The following ZNF558 variants were observed in gnomAD, a reference collection of about 807,000 sequenced individuals.
ZNF558 encodes zinc finger protein 558.
In ZNF558, 23 loss-of-function variants were observed where a neutral mutation model predicts 37.6. The ratio of observed to expected loss-of-function variants is 0.61; its 90% CI spans 0.44 to 0.87. The LOEUF (loss-of-function observed/expected upper bound fraction) is 0.87. ZNF558 is among the 40% of genes least tolerant of loss of function. The pLI, the probability that ZNF558 is intolerant of heterozygous loss-of-function variation, is 0.00. For synonymous variants in ZNF558, 189 were observed against 174.4 expected (o/e 1.08, Z -0.66); for missense variants, 429 against 483.7 (o/e 0.89, Z 1.06).
intron 4 of ZNF558, among the ~76,000 whole-genome samples, chr19:8,823,596 C>A (rs576483809): frequency 7.1e-6 from 1 of 140,998 alleles, no homozygotes; most frequent in Non-Finnish European, 1.6e-5. Context: ...TCAGTCACCC[C>A]CCTCCTGCCT....
intron 6 of ZNF558, chr19:8,821,716 A>T (rs781417176): frequency 2.3e-6 from 3 of 1,300,156 alleles, no homozygotes; most frequent in Non-Finnish European, 2.9e-6. Context: ...CGTGGCGTTT[A>T]TTAATTGCTT....
intron 2 of ZNF558, among the ~76,000 whole-genome samples, chr19:8,829,865 CAATTT>C (rs1196469514): frequency 6.6e-6 from 1 of 152,138 alleles, no homozygotes; most frequent in African/African-American, 2.4e-5. Flanking sequence ...AGAAACCCCA[CAATTT>C]AATACTAGAT....
intron 6 of ZNF558, 94 bp from the exon 7 acceptor site, chr19:8,821,400 A>G: frequency 6.2e-7 from 1 of 1,611,888 alleles, no homozygotes; most frequent in East Asian, 2.2e-5. Context: ...GGGCTGGGGA[A>G]ACCTGAGCAC....
In ZNF558 at chr19:8,822,098, G is replaced by A. The variant is rs1371949764; in HGVS notation, c.32-7C>T. The A allele has an allele frequency of 3.7e-6, 6 of 1,613,948 alleles. No homozygotes were observed. Among genetic ancestry groups the A allele is most frequent in the Admixed American group, 1.7e-5 (1 of 60,012 alleles). The stretch of plus-strand genomic sequence containing the variant: ...GGGAACAGGGAAGACGGAGCTGGAG[G>A]AGGAGAAATGAGTCCCATGGATTCA... On this transcript the variant is annotated splice_polypyrimidine_tract_variant and splice_region_variant and intron_variant, in intron 5 of 9. Transcript: ENST00000601372. The surrounding 1 kb of genome is among the most constrained non-coding windows in gnomAD (Gnocchi z 4.4).
chr19:8,811,195 A>G lies in ZNF558; in HGVS notation c.*86T>C, dbSNP rs966293263. ...ATCATTTGTTATGCTGCAACAAATA[A>G]CTTATATATCCAGTGTGAGCTCTCT... On this transcript the variant is annotated 3_prime_UTR_variant, in exon 10 of 10. Transcript: ENST00000601372. 5 of 1,381,356 alleles carry G rather than the reference A, an allele frequency of 3.6e-6. No individual in the cohort carries two copies. The African/African-American group carries it at 5.8e-5, about 16-fold the overall frequency. 85.6% of individuals were successfully genotyped at this position (1,381,356 alleles called of 1,614,324 possible). A position where few individuals can be genotyped will look rare whatever the true frequency, so the allele number is the denominator to read the frequency against.
Position 8,811,383 on chromosome 19 carries a change from A to C in ZNF558, c.1107T>G (p.Thr369=). The C allele has an allele frequency of 6.2e-7, 1 of 1,613,914 alleles. No individual in the cohort carries two copies. The highest frequency in any genetic ancestry group is 2.2e-5 in the East Asian group (1 of 44,862). Residue 369 remains threonine (T), a synonymous_variant, in exon 10 of 10, where the codon ACT becomes ACG. Coordinates refer to ENST00000601372, the MANE Select transcript of ZNF558 (RefSeq NM_144693.3). ...ATTCATAGGGTTTTTCTCCAGTGTGAGTTCTTAAGTGTTTCTTCACAGCTG... is the reference window on the plus strand; with the variant it reads ...ATTCATAGGGTTTTTCTCCAGTGTGCGTTCTTAAGTGTTTCTTCACAGCTG... ...NLSAVKKHLR[T]HTGEKPYECN... is the part of the protein sequence containing the mutation.
At chr19:8,837,991 G>A in the ZNF558 span, among the ~76,000 whole-genome samples, 1 of 152,112 alleles carries the variant, frequency 6.6e-6, no homozygotes, top group East Asian at 1.9e-4. Context: ...GCTCACGCCT[G>A]TAATCCCAGC....
At chr19:8,837,045 G>A (rs1157762658), upstream of ZNF558, among the ~76,000 whole-genome samples, 1 of 152,178 alleles carries the variant, frequency 6.6e-6, no homozygotes, top group Non-Finnish European at 1.5e-5. Context: ...TTAAAATAAT[G>A]GCATTATGTT....
At chr19:8,829,960 T>A (rs949424148) in intron 2 of ZNF558, among the ~76,000 whole-genome samples, 10 of 152,140 alleles carry the variant, frequency 6.6e-5, no homozygotes, top group African/African-American at 2.4e-4. Context: ...TAATTCCTAT[T>A]AGGAGGTGAT....
chr19:8,812,982 A>T, intron 8 of ZNF558, 145 bp downstream of exon 8: 1 of 653,090 alleles, frequency 1.5e-6, no homozygotes, highest in Non-Finnish European at 2.7e-6. Context: ...GAGGAAGCTC[A>T]CACCAAATGT....
chr19:8,831,230 C>T (rs2044345823), intron 2 of ZNF558, 88 bp downstream of exon 2: 1 of 152,160 alleles, frequency 6.6e-6, no homozygotes, highest in South Asian at 2.1e-4. Context: ...AATGTGGTTA[C>T]AACCCCAGCA....
At chr19:8,821,134 T>C (rs999353044) in intron 7 of ZNF558, 46 bp downstream of exon 7, 8 of 1,591,750 alleles carry the variant, frequency 5.0e-6, no homozygotes, top group East Asian at 2.2e-5. Flanking sequence ...AGGCAAGTGT[T>C]GCCACTGGAG....
rs1373074094 is a variant in ZNF558, at chr19:8,810,200, G to A, written c.*1081C>T. On this transcript the variant is annotated 3_prime_UTR_variant, in exon 10 of 10. Coordinates refer to ENST00000601372, the MANE Select transcript of ZNF558 (RefSeq NM_144693.3). The stretch of plus-strand genomic sequence containing the variant: ...GATGTTCAATGGGGCATTCTCTCCA[G>A]AATTAATTCTCAAGTCCCTTAAAAA... 1.3e-5 allele frequency: 2 copies of A among 152,190 alleles called. No individual in the cohort carries two copies. The highest frequency in any genetic ancestry group is 2.9e-5 in the Non-Finnish European group (2 of 68,044). The allele number at this position is 152,190 out of a possible 1,614,324, so 9.4% of individuals were successfully genotyped here.
intron 2 of ZNF558, 145 bp from the exon 3 acceptor site, chr19:8,825,253 C>T (rs1464486712): frequency 1.3e-5 from 2 of 152,168 alleles, no homozygotes; most frequent in Non-Finnish European, 2.9e-5. Context: ...TTCATATAAT[C>T]GCAGAGGATT....
chr19:8,821,519 A>G (rs2044090327), intron 6 of ZNF558: 1 of 1,438,436 alleles, frequency 7.0e-7, no homozygotes, highest in South Asian at 1.5e-5. Context: ...CTGGCTTCTG[A>G]GCTCAGCCCT....
At chr19:8,821,334 G>C in intron 6 of ZNF558, 28 bp from the exon 7 acceptor site, 1 of 1,614,146 alleles carries the variant, frequency 6.2e-7, no homozygotes. Context: ...TCACGGCTTA[G>C]CCAAGGACCA....
intron 7 of ZNF558, 32 bp downstream of exon 7, chr19:8,821,148 T>G (rs185145463): frequency 6.2e-7 from 1 of 1,608,008 alleles, no homozygotes; most frequent in African/African-American, 1.3e-5. Flanking sequence ...ACTGGAGTCA[T>G]TAAATAAATG....
At position 8,832,260 on chromosome 19, in the gene ZNF558, G is replaced by A. The variant is rs1190244589; in HGVS notation, c.-644C>T. 2 of 152,140 alleles carry A rather than the reference G, an allele frequency of 1.3e-5. No homozygotes were observed. The highest frequency in any genetic ancestry group is 2.9e-5 in the Non-Finnish European group (2 of 68,018). 9.4% of individuals were successfully genotyped at this position (152,140 alleles called of 1,614,324 possible). Reference sequence around the variant, plus strand: ...AAAGCGCCGACTCGCGGGGACGGAGGGACTCGCTCCCCGCTGCCCCACGCG... The same window carrying A: ...AAAGCGCCGACTCGCGGGGACGGAGAGACTCGCTCCCCGCTGCCCCACGCG... On this transcript the variant is annotated 5_prime_UTR_variant, in exon 1 of 10. Transcript: ENST00000601372.
In ZNF558 at chr19:8,808,346, T is replaced by C. The variant is rs1420579625; in HGVS notation, c.*2935A>G. On this transcript the variant is annotated 3_prime_UTR_variant, in exon 10 of 10. Transcript: ENST00000601372. ...AAATAAATAAATGTTTGACCATTTA[T>C]TATTAATGCATTACAATACTTTGCT... The C allele has an allele frequency of 6.6e-6, 1 of 152,056 alleles. No individual in the cohort carries two copies. Among genetic ancestry groups the C allele is most frequent in the Non-Finnish European group, 1.5e-5 (1 of 68,040 alleles). 9.4% of individuals were successfully genotyped at this position (152,056 alleles called of 1,614,324 possible). A position where few individuals can be genotyped will look rare whatever the true frequency, so the allele number is the denominator to read the frequency against.
Sources: allele counts gnomAD v4.1 joint callset (sites outside exome capture counted in the v4.1 genomes callset), GRCh38; gene constraint gnomAD v4.1.1; non-coding constraint Gnocchi (gnomAD v3.1); transcripts MANE v1.5; gene names NCBI Gene and HGNC (gene_info 2026-07-23, HGNC 2026-07-21).